The following FRYL variants were observed in gnomAD, a reference collection of about 807,000 sequenced individuals.
FRYL encodes the protein protein furry homolog-like.
A neutral mutation model predicts 351.2 loss-of-function variants in FRYL; 150 were observed. The ratio of observed to expected loss-of-function variants is 0.43; its 90% CI spans 0.37 to 0.49. FRYL has a LOEUF of 0.49. Ranked by LOEUF, FRYL falls within the 20% of genes least tolerant of loss-of-function variation. FRYL has a pLI of 0.00. For synonymous variants in FRYL, 1,153 were observed against 1,257.1 expected, an observed-to-expected ratio of 0.92 and a Z score of 1.75; for missense variants, 3,036 against 3,619.3, an observed-to-expected ratio of 0.84 and a Z score of 4.13.
intron 1 of FRYL, among the ~76,000 whole-genome samples, 190 bp from the exon 2 acceptor site, chr4:48,710,888 T>C (rs1767921355): frequency 1.3e-5 from 2 of 152,134 alleles, no homozygotes; most frequent in South Asian, 2.1e-4. Flanking sequence ...CAAAAATATG[T>C]ATACAAATGT....
At chr4:48,512,849 A>G (rs1210574073) in intron 56 of FRYL, among the ~76,000 whole-genome samples, 161 bp from the exon 57 acceptor site, 1 of 152,232 alleles carries the variant, frequency 6.6e-6, no homozygotes, top group Admixed American at 6.5e-5. Flanking sequence ...GAAAGTGTGA[A>G]TAAGTGAATT....
chr4:48,740,799 C>T (rs1771968311), intron 1 of FRYL, among the ~76,000 whole-genome samples: 1 of 152,080 alleles, frequency 6.6e-6, no homozygotes, highest in Admixed American at 6.5e-5. Flanking sequence ...GCAAGAAAAA[C>T]TAGTGGGAAT....
chr4:48,549,686 T>C lies in FRYL; in HGVS notation c.4634-63A>G. 7.4e-7 allele frequency: 1 copy of C among 1,343,964 alleles called. No individual in the cohort carries two copies. Among genetic ancestry groups the C allele is most frequent in the African/African-American group, 1.4e-5 (1 of 69,206 alleles). The allele number at this position is 1,343,964 out of a possible 1,614,324, so 83.3% of individuals were successfully genotyped here. On this transcript the variant is annotated intron_variant, in intron 38 of 63. Coordinates refer to ENST00000358350, the MANE Select transcript of FRYL (RefSeq NM_015030.2). The surrounding 1 kb of genome is among the most constrained non-coding windows in gnomAD (Gnocchi z 4.2). ...AATTTCTGCCAATATAAGCAAACTC[T>C]AGTAAGATCCCAACTATTTATATAG...
At chr4:48,722,088 CTAT>C (rs886185028) in intron 1 of FRYL, among the ~76,000 whole-genome samples, 2 of 152,244 alleles carry the variant, frequency 1.3e-5, no homozygotes, top group African/African-American at 4.8e-5. Flanking sequence ...AGCCCAAATT[CTAT>C]TATTATATCC....
intron 7 of FRYL, among the ~76,000 whole-genome samples, chr4:48,613,423 A>G (rs1292380704): frequency 2.6e-5 from 4 of 152,172 alleles, no homozygotes; most frequent in African/African-American, 4.8e-5. Flanking sequence ...GGAGACTACT[A>G]TATTTGCTTC....
chr4:48,638,190 T>C (rs912126820), intron 3 of FRYL: 3 of 152,090 alleles, frequency 2.0e-5, no homozygotes, highest in East Asian at 3.9e-4. Flanking sequence ...CAAACTTACA[T>C]ATGTACACAA....
rs189156501 is a variant in FRYL, at chr4:48,715,807, G to A, written c.-383-5109C>T. Among the ~76,000 whole-genome samples, 697 of 152,210 alleles carry A rather than the reference G, an allele frequency of 4.6e-3. 5 individuals carry two copies. The highest frequency in any genetic ancestry group is 0.015 in the African/African-American group (643 of 41,516). On this transcript the variant is annotated intron_variant, in intron 1 of 63. Coordinates refer to ENST00000358350, the MANE Select transcript of FRYL (RefSeq NM_015030.2). ...TTCATATGGAACCAAAAAAGAGCCC[G>A]CATCGCCAAGTCAATCCTAAGCTGA...
At chr4:48,668,208 A>G (rs908052845) in intron 3 of FRYL, among the ~76,000 whole-genome samples, 1 of 152,096 alleles carries the variant, frequency 6.6e-6, no homozygotes, top group Non-Finnish European at 1.5e-5. Context: ...AAAGCCTAAA[A>G]TATTTACTAT....
intron 3 of FRYL, among the ~76,000 whole-genome samples, chr4:48,655,182 G>A (rs753956678): frequency 1.7e-4 from 26 of 152,196 alleles, no homozygotes; most frequent in Middle Eastern, 3.4e-3. Context: ...GAAGGGGTGG[G>A]GGTCATTTGA....
chr4:48,589,927 ATACT>A (rs1742896018), intron 17 of FRYL, 50 bp from the exon 18 acceptor site: 8 of 1,466,074 alleles, frequency 5.5e-6, no homozygotes, highest in South Asian at 1.2e-5. Flanking sequence ...TAGATAAAGA[ATACT>A]TACTTTCTGT....
chr4:48,678,466 G>A (rs1355487489), intron 3 of FRYL, among the ~76,000 whole-genome samples: 2 of 120,920 alleles, frequency 1.7e-5, no homozygotes, highest in East Asian at 2.6e-4. Context: ...CCAAGATCGC[G>A]CCCCTGCACT....
intron 3 of FRYL, among the ~76,000 whole-genome samples, chr4:48,653,489 G>A (rs1758140936): frequency 6.6e-6 from 1 of 151,844 alleles, no homozygotes; most frequent in African/African-American, 2.4e-5. Context: ...GAAATTCAAG[G>A]CTGGTAAATT....
At chr4:48,559,825 A>G (rs771285998) in intron 33 of FRYL, among the ~76,000 whole-genome samples, 43 of 152,268 alleles carry the variant, frequency 2.8e-4, no homozygotes, top group Admixed American at 1.4e-3. Flanking sequence ...GGAAATATTA[A>G]GTTTTTGGAA....
Position 48,515,218 on chromosome 4 carries a change from A to C in FRYL, c.7747T>G (p.Tyr2583Asp), listed in dbSNP as rs1057261155. 1.9e-6 allele frequency: 3 copies of C among 1,611,926 alleles called. No individual in the cohort carries two copies. Among genetic ancestry groups the C allele is most frequent in the Non-Finnish European group, 2.5e-6 (3 of 1,178,020 alleles). Residue 2583 changes from tyrosine (Y) to aspartate (D), a missense_variant, in exon 56 of 64, where the codon TAT becomes GAT. Transcript: ENST00000358350. ...GATTCCTGCTGTTCTTGAATTATAT[A>C]GGATCCTTCATCTTCAAAGGTTGTA... ...HVTTFEDEGS[Y>D]IIQEQQESLV...
chr4:48,594,601 C>G (rs1578267081), intron 15 of FRYL, among the ~76,000 whole-genome samples: 4 of 152,164 alleles, frequency 2.6e-5, no homozygotes, highest in Non-Finnish European at 5.9e-5. Flanking sequence ...TTACTGATAC[C>G]CTTATACTTA....
chr4:48,647,157 C>T (rs1409938561), intron 3 of FRYL, among the ~76,000 whole-genome samples: 2 of 152,140 alleles, frequency 1.3e-5, no homozygotes, highest in African/African-American at 4.8e-5. Context: ...CGAGATACTA[C>T]AACTGAAGAA....
At chr4:48,763,182 C>T (rs1774587327) in intron 1 of FRYL, among the ~76,000 whole-genome samples, 1 of 150,634 alleles carries the variant, frequency 6.6e-6, no homozygotes, top group Admixed American at 6.6e-5. Context: ...ACTTGGAGGC[C>T]AGGCAAGGTG....
Position 48,668,867 on chromosome 4 carries a change from T to C in FRYL, c.-81+15806A>G, listed in dbSNP as rs192125271. ...CTCAACCCAAAGGCCACAACTTGTA[T>C]CTGGGTGGGGTTAACCCTTGGACTG... On this transcript the variant is annotated intron_variant, in intron 3 of 63. Coordinates refer to ENST00000358350, the MANE Select transcript of FRYL (RefSeq NM_015030.2). 4.6e-5 allele frequency among the ~76,000 whole-genome samples: 7 copies of C among 152,354 alleles called. No homozygotes were observed. The East Asian group carries it at 1.3e-3, about 29-fold the overall frequency.
At chr4:48,707,739 T>C (rs1767522344) in intron 2 of FRYL, among the ~76,000 whole-genome samples, 1 of 152,128 alleles carries the variant, frequency 6.6e-6, no homozygotes, top group African/African-American at 2.4e-5. Context: ...GCTCCAGTTC[T>C]GGTGAACTAA....
Sources: allele counts gnomAD v4.1 joint callset (sites outside exome capture counted in the v4.1 genomes callset), GRCh38; gene constraint gnomAD v4.1.1; non-coding constraint Gnocchi (gnomAD v3.1); transcripts MANE v1.5; gene names NCBI Gene and HGNC (gene_info 2026-07-23, HGNC 2026-07-21).